NCKIPSD: variants seen among roughly 807,000 people sequenced by gnomAD.
The protein encoded by NCKIPSD is NCK interacting protein with SH3 domain.
Under a neutral mutation model 73.4 loss-of-function variants are expected in NCKIPSD, and 48 were observed. The observed-to-expected ratio is 0.65, with a 90% CI of 0.52 to 0.83. The LOEUF is 0.83. Among genes scored for constraint, NCKIPSD ranks in the 40% least tolerant of loss-of-function variants. NCKIPSD has a pLI of 0.00. For synonymous variants in NCKIPSD, 422 were observed against 403.6 expected (o/e 1.05, Z -0.54); for missense variants, 884 against 970.2 (o/e 0.91, Z 1.18).
chr3:48,683,238 G>A (rs1038165080), intron 1 of NCKIPSD, among the ~76,000 whole-genome samples: 1 of 152,186 alleles, frequency 6.6e-6, no homozygotes, highest in African/African-American at 2.4e-5. Context: ...TACATATTAG[G>A]TCCTGATCAG....
intron 2 of NCKIPSD, 119 bp from the exon 3 acceptor site, chr3:48,682,671 C>T (rs1328484712): frequency 2.4e-6 from 3 of 1,228,362 alleles, no homozygotes; most frequent in African/African-American, 2.9e-5. Flanking sequence ...CCATCTCCTC[C>T]ATGCTCCACC....
rs751859455 is a variant in NCKIPSD at position 48,678,908 on chromosome 3, G to T, written c.1761C>A (p.Ser587=). ...TGTTCAGGAGCAACAACAGCTTCTC[G>T]GAGAAGATCTTGACATTGGCGTGTT... ...LSKHANVKIF[S]EKLLLLLNRG... is the part of the protein sequence containing the mutation. Residue 587 remains serine (S), a synonymous_variant, in exon 11 of 13, where the codon TCC becomes TCA. Coordinates refer to ENST00000294129, the MANE Select transcript of NCKIPSD (RefSeq NM_016453.4). 3.1e-6 allele frequency: 5 copies of T among 1,613,968 alleles called. No homozygotes were observed. The South Asian group carries it at 5.5e-5, about 18-fold the overall frequency.
intron 1 of NCKIPSD, among the ~76,000 whole-genome samples, chr3:48,683,413 C>T (rs778549298): frequency 3.3e-5 from 5 of 152,196 alleles, no homozygotes; most frequent in Non-Finnish European, 5.9e-5. Context: ...AGGAAGTCTC[C>T]AGTATCTGGA....
rs3816836 is a variant in NCKIPSD, at chr3:48,679,560, G to A, written c.1489+15C>T. On this transcript the variant is annotated intron_variant, in intron 8 of 12. Coordinates refer to ENST00000294129, the MANE Select transcript of NCKIPSD (RefSeq NM_016453.4). ...ATAGCAGGAAGTTCCCTCCTACCCC[G>A]CCCTCCAGCCTCACCCTGCGTGTCT... 52,817 of 1,612,986 alleles carry A rather than the reference G, an allele frequency of 0.033. 10,876 individuals carry two copies. In the East Asian group the frequency reaches 0.47, roughly 14 times the overall value.
intron 1 of NCKIPSD, 32 bp from the exon 2 acceptor site, chr3:48,683,044 G>A: frequency 1.3e-6 from 2 of 1,547,174 alleles, no homozygotes; most frequent in South Asian, 1.2e-5. Flanking sequence ...AGTTAGACCT[G>A]AAGGCCAAAC....
Position 48,679,856 on chromosome 3 carries a change from AT to A in NCKIPSD, c.1294del (p.Met432CysfsTer54), listed in dbSNP as rs1324878081. ...AGACTCGAACTCGTTTCTCTTGCAC[AT>A]TTTCTTGCAAACTTCAGGGTCTGCA... ...TDADPEVCKK[M>X]CKRNEFESVL... On this transcript the variant is annotated frameshift_variant, in exon 7 of 13. Coordinates refer to ENST00000294129, the MANE Select transcript of NCKIPSD (RefSeq NM_016453.4). LOFTEE classifies it high-confidence loss of function. The A allele has an allele frequency of 4.3e-6, 7 of 1,614,028 alleles. No homozygotes were observed. Among genetic ancestry groups the A allele is most frequent in the Non-Finnish European group, 5.9e-6 (7 of 1,180,038 alleles).
chr3:48,678,984 G>A lies in NCKIPSD; in HGVS notation c.1700-15C>T. 1 of 1,614,136 alleles carries A rather than the reference G, an allele frequency of 6.2e-7. No homozygotes were observed. The highest frequency in any genetic ancestry group is 8.5e-7 in the Non-Finnish European group (1 of 1,180,018). Reference sequence around the variant, plus strand: ...CTGGTCAGCAGCTAAGGAAGGACATGGGTATAGACAGGGTGCTGAGCCTGA... The same window carrying A: ...CTGGTCAGCAGCTAAGGAAGGACATAGGTATAGACAGGGTGCTGAGCCTGA... On this transcript the variant is annotated splice_polypyrimidine_tract_variant and intron_variant, in intron 10 of 12. Coordinates refer to ENST00000294129, the MANE Select transcript of NCKIPSD (RefSeq NM_016453.4).
intron 1 of NCKIPSD, 87 bp downstream of exon 1, chr3:48,685,550 G>C (rs929630228): frequency 7.1e-7 from 1 of 1,418,176 alleles, no homozygotes; most frequent in African/African-American, 1.5e-5. Context: ...GTCCCGGAGA[G>C]GGTGGGGTCC....
chr3:48,680,266 C>A, intron 5 of NCKIPSD, 37 bp from the exon 6 acceptor site: 1 of 1,534,884 alleles, frequency 6.5e-7, no homozygotes, highest in Non-Finnish European at 8.8e-7. Context: ...CAGCACACTC[C>A]CTGCCCTCAC....
chr3:48,676,526 G>C (rs1369841598), intron 12 of NCKIPSD, among the ~76,000 whole-genome samples: 1 of 152,174 alleles, frequency 6.6e-6, no homozygotes, highest in Non-Finnish European at 1.5e-5. Flanking sequence ...TGTTGCCCAG[G>C]CTGGAGTGCA....
chr3:48,674,210 G>A lies in NCKIPSD; in HGVS notation c.*334C>T. 8.1e-7 allele frequency: 1 copy of A among 1,233,072 alleles called. No individual in the cohort carries two copies. The highest frequency in any genetic ancestry group is 1.0e-6 in the Non-Finnish European group (1 of 976,298). 76.4% of individuals were successfully genotyped at this position (1,233,072 alleles called of 1,614,324 possible). A position where few individuals can be genotyped will look rare whatever the true frequency, so the allele number is the denominator to read the frequency against. On this transcript the variant is annotated 3_prime_UTR_variant, in exon 13 of 13. Transcript: ENST00000294129. ...CCCAGGATACAGACCAGGAGGGGTG[G>A]GGATGGGGGTCTGGTCCAGCCTGGA...
chr3:48,676,870 A>G (rs1295162473), intron 12 of NCKIPSD, among the ~76,000 whole-genome samples: 1 of 151,508 alleles, frequency 6.6e-6, no homozygotes, highest in Non-Finnish European at 1.5e-5. Context: ...TCCCGGGTTC[A>G]AGCAATTCTC....
intron 12 of NCKIPSD, among the ~76,000 whole-genome samples, chr3:48,676,240 G>C (rs2077254760): frequency 6.6e-6 from 1 of 152,082 alleles, no homozygotes; most frequent in East Asian, 1.9e-4. Flanking sequence ...GTGCTTCATA[G>C]AGAATACAGA....
Position 48,679,784 on chromosome 3 carries a change from C to A in NCKIPSD, c.1350+17G>T, listed in dbSNP as rs557175125. The stretch of plus-strand genomic sequence containing the variant: ...TCTAGGTCTCTCCATTACCCCTCCC[C>A]TCCATCCTGCACATACCATTTGGTA... On this transcript the variant is annotated intron_variant, in intron 7 of 12. Coordinates refer to ENST00000294129, the MANE Select transcript of NCKIPSD (RefSeq NM_016453.4). 3.7e-6 allele frequency: 6 copies of A among 1,614,222 alleles called. No homozygotes were observed. In the African/African-American group the frequency reaches 4.0e-5, roughly 11 times the overall value.
At chr3:48,679,946 A>T in intron 6 of NCKIPSD, 59 bp from the exon 7 acceptor site, 5 of 1,612,800 alleles carry the variant, frequency 3.1e-6, no homozygotes, top group Non-Finnish European at 4.2e-6. Flanking sequence ...GCAGCCGCAC[A>T]AGAGAGGGCT....
At chr3:48,684,356 A>G (rs1054458191) in intron 1 of NCKIPSD, among the ~76,000 whole-genome samples, 1 of 152,122 alleles carries the variant, frequency 6.6e-6, no homozygotes, top group Non-Finnish European at 1.5e-5. Flanking sequence ...AGGGGAAGAG[A>G]CAGGACTTTT....
At chr3:48,681,072 T>C (rs1245177730) in intron 5 of NCKIPSD, 2 of 654,072 alleles carry the variant, frequency 3.1e-6, no homozygotes, top group African/African-American at 3.7e-5. Context: ...CCAGGCTCAG[T>C]CCTGCCTTGT....
Position 48,685,717 on chromosome 3 carries a change from T to C in NCKIPSD, c.91A>G (p.Ser31Gly), listed in dbSNP as rs752276024. 1 of 1,531,102 alleles carries C rather than the reference T, an allele frequency of 6.5e-7. No individual in the cohort carries two copies. Among genetic ancestry groups the C allele is most frequent in the South Asian group, 1.2e-5 (1 of 83,846 alleles). 94.8% of individuals were successfully genotyped at this position (1,531,102 alleles called of 1,614,324 possible). A position where few individuals can be genotyped will look rare whatever the true frequency, so the allele number is the denominator to read the frequency against. ...GETFLVLERS[S>G]AHWWLAARAR... ...CGCGCGGCCAGCCACCAGTGCGCGCTGCTTCGCTCTAGCACCAGGAAGGTC... is the reference window on the plus strand; with the variant it reads ...CGCGCGGCCAGCCACCAGTGCGCGCCGCTTCGCTCTAGCACCAGGAAGGTC... The change falls in exon 1 of 13, where the codon AGC becomes GGC. Residue 31 changes from serine to glycine, a missense_variant. Transcript: ENST00000294129.
At chr3:48,684,500 C>T (rs890748192) in intron 1 of NCKIPSD, among the ~76,000 whole-genome samples, 1 of 152,220 alleles carries the variant, frequency 6.6e-6, no homozygotes, top group African/African-American at 2.4e-5. Flanking sequence ...TGAGGAAGCC[C>T]CTAGGCCCCC....
Sources: gnomAD v4.1 joint callset for allele counts (sites outside exome capture counted in the v4.1 genomes callset) on GRCh38, gnomAD v4.1.1 for gene constraint, MANE v1.5 for transcripts, NCBI Gene and HGNC (gene_info 2026-07-23, HGNC 2026-07-21) for gene names.